The following RARA variants were observed in gnomAD, a reference collection of about 807,000 sequenced individuals.
RARA encodes the protein retinoic acid receptor alpha.
Under a neutral mutation model 42.8 loss-of-function variants are expected in RARA, and 5 were observed. That is an observed-to-expected ratio of 0.12 (90% CI 0.06 to 0.25). RARA has a LOEUF of 0.25. Among genes scored for constraint, RARA ranks in the 10% least tolerant of loss-of-function variants. RARA has a pLI of 1.00. For missense variants in RARA, 402 were observed against 628.7 expected, an observed-to-expected ratio of 0.64 and a Z score of 3.86; for synonymous variants, 256 against 259.5, an observed-to-expected ratio of 0.99 and a Z score of 0.13.
In RARA at chr17:40,356,771, T is replaced by A. The variant is rs185566558; in HGVS notation, c.*545T>A. The A allele has an allele frequency of 6.6e-4, 337 of 510,308 alleles. 1 individual carries two copies. Among genetic ancestry groups the A allele is most frequent in the African/African-American group, 5.7e-3 (298 of 51,894 alleles). 31.6% of individuals were successfully genotyped at this position (510,308 alleles called of 1,614,324 possible). ...TTTAATTTTTTTGTTTTGATTTTTT[T>A]AATAAGAATTTTCATTTTAAGCACA... On this transcript the variant is annotated 3_prime_UTR_variant, in exon 9 of 9. Transcript: ENST00000254066.
chr17:40,326,301 A>G lies in RARA; in HGVS notation c.-362-4556A>G, dbSNP rs2033544243. ...TGCTTTCCAGGACTTCCTGTCTGAAATCGCACAGCTCGTTGTTGAGGTAGG... is the reference window on the plus strand; with the variant it reads ...TGCTTTCCAGGACTTCCTGTCTGAAGTCGCACAGCTCGTTGTTGAGGTAGG... On this transcript the variant is annotated intron_variant, in intron 1 of 8. Transcript: ENST00000254066. The surrounding 1 kb of genome is among the most constrained non-coding windows in gnomAD (Gnocchi z 5.2). 6.6e-6 allele frequency among the ~76,000 whole-genome samples: 1 copy of G among 152,216 alleles called. No individual in the cohort carries two copies. The highest frequency in any genetic ancestry group is 6.5e-5 in the Admixed American group (1 of 15,280).
chr17:40,328,362 C>T (rs928489825), intron 1 of RARA, among the ~76,000 whole-genome samples: 1 of 152,058 alleles, frequency 6.6e-6, no homozygotes, highest in African/African-American at 2.4e-5. Flanking sequence ...AATGGACAGT[C>T]CTTATTTTGA....
chr17:40,355,919 T>C lies in RARA; in HGVS notation c.1172-90T>C. The C allele has an allele frequency of 8.9e-7, 1 of 1,124,066 alleles. No individual in the cohort carries two copies. Among genetic ancestry groups the C allele is most frequent in the Non-Finnish European group, 1.3e-6 (1 of 786,934 alleles). The allele number at this position is 1,124,066 out of a possible 1,614,324, so 69.6% of individuals were successfully genotyped here. A position where few individuals can be genotyped will look rare whatever the true frequency, so the allele number is the denominator to read the frequency against. Reference sequence around the variant, plus strand: ...AAGAAAGATGCTAATATCAGCAGTATTGATCTTCCCACCTCGAGCCAGGCT... The same window carrying C: ...AAGAAAGATGCTAATATCAGCAGTACTGATCTTCCCACCTCGAGCCAGGCT... On this transcript the variant is annotated intron_variant, in intron 8 of 8. Transcript: ENST00000254066. This position sits in a 1 kb window ranked among gnomAD's most constrained non-coding sequence, Gnocchi z 4.1.
intron 1 of RARA, among the ~76,000 whole-genome samples, chr17:40,317,249 G>A (rs1012841378): frequency 1.3e-5 from 2 of 152,204 alleles, no homozygotes; most frequent in African/African-American, 4.8e-5. Flanking sequence ...GGCACTTGTG[G>A]CCACTTCTCT....
intron 2 of RARA, chr17:40,341,395 G>C: frequency 6.7e-7 from 1 of 1,492,096 alleles, no homozygotes; most frequent in South Asian, 1.3e-5. Context: ...CACACATGAT[G>C]TCACAGACAA....
Position 40,349,867 on chromosome 17 carries a change from G to A in RARA, c.411G>A (p.Arg137=), listed in dbSNP as rs2143474403. The A allele has an allele frequency of 6.2e-7, 1 of 1,614,230 alleles. No individual in the cohort carries two copies. Among genetic ancestry groups the A allele is most frequent in the Non-Finnish European group, 8.5e-7 (1 of 1,180,044 alleles). ...DKNCIINKVT[R]NRCQYCRLQK... is the part of the protein sequence containing the mutation. ...ACTGCATCATCAACAAGGTGACCCG[G>A]AACCGCTGCCAGTACTGCCGACTGC... The change falls in exon 4 of 9, where the codon CGG becomes CGA. Residue 137 remains arginine, a synonymous_variant. Transcript: ENST00000254066.
intron 1 of RARA, among the ~76,000 whole-genome samples, chr17:40,314,658 C>T (rs944709100): frequency 2.0e-5 from 3 of 151,900 alleles, no homozygotes; most frequent in African/African-American, 7.3e-5. Flanking sequence ...CGCATGTAAC[C>T]ATGGAGGGAC....
chr17:40,325,088 TA>T (rs2033499193), intron 1 of RARA, among the ~76,000 whole-genome samples: 1 of 151,476 alleles, frequency 6.6e-6, no homozygotes, highest in Non-Finnish European at 1.5e-5. Flanking sequence ...CCATCTCTAC[TA>T]AAAATACAAA....
chr17:40,337,341 C>A (rs985627168), intron 2 of RARA, among the ~76,000 whole-genome samples: 2 of 152,198 alleles, frequency 1.3e-5, no homozygotes, highest in African/African-American at 4.8e-5. Context: ...CCTTTCTCTG[C>A]CTTAGAACCT....
At chr17:40,342,230 G>A (rs984829700) in intron 2 of RARA, 1 of 1,054,040 alleles carries the variant, frequency 9.5e-7, no homozygotes, top group East Asian at 5.3e-5. Context: ...GAACCGCGCG[G>A]GATCCCCACC....
At position 40,337,981 on chromosome 17, in the gene RARA, G is replaced by A. The variant is rs182808611; in HGVS notation, c.178+6585G>A. Among the ~76,000 whole-genome samples, 189 of 152,374 alleles carry A rather than the reference G, an allele frequency of 1.2e-3. 1 individual carries two copies. Among genetic ancestry groups the A allele is most frequent in the Admixed American group, 4.2e-3 (64 of 15,310 alleles). On this transcript the variant is annotated intron_variant, in intron 2 of 8. Transcript: ENST00000254066. Reference sequence around the variant, plus strand: ...CAATGCCTTTCTTGGAGTCCGAAATGTAGAGTCAGACAAAAGAACATGACA... The same window carrying A: ...CAATGCCTTTCTTGGAGTCCGAAATATAGAGTCAGACAAAAGAACATGACA...
chr17:40,352,442 G>A lies in RARA; in HGVS notation c.742G>A (p.Gly248Ser), dbSNP rs373673287. ...TGTGGAGTTCGCCAAGCAGCTGCCC[G>A]GCTTCACCACCCTCACCATCGCCGA... is the stretch of plus-strand genomic sequence containing the variant. ...KTVEFAKQLP[G>S]FTTLTIADQI... is the part of the protein sequence containing the mutation. Residue 248 changes from glycine (G) to serine (S), a missense_variant, in exon 6 of 9, where the codon GGC becomes AGC. By Grantham distance (56) the Gly-to-Ser change is moderately conservative. Transcript: ENST00000254066. The surrounding 1 kb of genome is among the most constrained non-coding windows in gnomAD (Gnocchi z 4.9). 47 of 1,613,708 alleles carry A rather than the reference G, an allele frequency of 2.9e-5. No individual in the cohort carries two copies. Among genetic ancestry groups the A allele is most frequent in the Admixed American group, 2.0e-4 (12 of 59,964 alleles).
chr17:40,342,541 C>A lies in RARA; in HGVS notation c.179-5775C>A, dbSNP rs1374058890. On this transcript the variant is annotated intron_variant, in intron 2 of 8. Coordinates refer to ENST00000254066, the MANE Select transcript of RARA (RefSeq NM_000964.4). ...TGGCGGAGCGGCCGGCGGACTTAGACGCGGGGACTTCAGGGCAGGGGGCGC... is the reference window on the plus strand; with the variant it reads ...TGGCGGAGCGGCCGGCGGACTTAGAAGCGGGGACTTCAGGGCAGGGGGCGC... 1.4e-5 allele frequency: 18 copies of A among 1,325,034 alleles called. No individual in the cohort carries two copies. In the East Asian group the frequency reaches 5.5e-4, roughly 41 times the overall value. 82.1% of individuals were successfully genotyped at this position (1,325,034 alleles called of 1,614,324 possible).
chr17:40,332,680 C>T (rs1001148175), intron 2 of RARA, among the ~76,000 whole-genome samples: 5 of 152,260 alleles, frequency 3.3e-5, no homozygotes, highest in African/African-American at 1.2e-4. Flanking sequence ...AGCAGGGACT[C>T]TATGTCTGTG....
intron 1 of RARA, among the ~76,000 whole-genome samples, chr17:40,319,259 G>T (rs1208232405): frequency 6.6e-6 from 1 of 152,092 alleles, no homozygotes; most frequent in Non-Finnish European, 1.5e-5. Context: ...TGCTCCTTGC[G>T]AAAGGAAAGA....
chr17:40,349,748 G>T (rs374798564), intron 3 of RARA, 36 bp from the exon 4 acceptor site: 1 of 1,611,904 alleles, frequency 6.2e-7, no homozygotes, highest in East Asian at 2.2e-5. Context: ...CCCACTGTGG[G>T]TGTGGACAAC....
chr17:40,340,939 G>A (rs374963463), intron 2 of RARA: 34 of 400,160 alleles, frequency 8.5e-5, no homozygotes, highest in African/African-American at 6.6e-4. Context: ...GCTGAGACCT[G>A]TTTTATTTGT....
At chr17:40,336,903 T>C (rs1489709786) in intron 2 of RARA, among the ~76,000 whole-genome samples, 1 of 151,804 alleles carries the variant, frequency 6.6e-6, no homozygotes, top group Non-Finnish European at 1.5e-5. Context: ...ACCATGTTGG[T>C]TGGCCAGGAT....
In RARA at chr17:40,331,412, G is replaced by A. The variant is rs776564267; in HGVS notation, c.178+16G>A. The A allele has an allele frequency of 5.6e-6, 9 of 1,609,644 alleles. No individual in the cohort carries two copies. The highest frequency in any genetic ancestry group is 1.7e-5 in the Admixed American group (1 of 59,584). ...TCCCCAGCCAGTAAGTCTGGGTGTGGGGGCTGGGGTGGGAAGGGACTGTGG... is the reference window on the plus strand; with the variant it reads ...TCCCCAGCCAGTAAGTCTGGGTGTGAGGGCTGGGGTGGGAAGGGACTGTGG... On this transcript the variant is annotated intron_variant, in intron 2 of 8. Transcript: ENST00000254066.
Sources: gnomAD v4.1 joint callset for allele counts (sites outside exome capture counted in the v4.1 genomes callset) on GRCh38, gnomAD v4.1.1 for gene constraint, Gnocchi (gnomAD v3.1) non-coding constraint, MANE v1.5 for transcripts, NCBI Gene and HGNC (gene_info 2026-07-23, HGNC 2026-07-21) for gene names.